The following CLASP1 variants were observed in gnomAD, a reference collection of about 807,000 sequenced individuals.
CLASP1 encodes the protein cytoplasmic linker associated protein 1.
CLASP1 carries 38 observed loss-of-function variants against 192.3 expected under a neutral mutation model. That is an observed-to-expected ratio of 0.20 (90% CI 0.15 to 0.26). CLASP1 has a LOEUF of 0.26. Among genes scored for constraint, CLASP1 ranks in the 10% least tolerant of loss-of-function variants. The pLI, the probability that CLASP1 is intolerant of heterozygous loss-of-function variation, is 1.00. For missense variants in CLASP1, 1,433 were observed against 1,932.5 expected, an observed-to-expected ratio of 0.74 and a Z score of 4.85; for synonymous variants, 691 against 712.8, an observed-to-expected ratio of 0.97 and a Z score of 0.49.
intron 8 of CLASP1, among the ~76,000 whole-genome samples, chr2:121,487,837 C>T (rs573901128): frequency 8.5e-5 from 13 of 152,352 alleles, no homozygotes; most frequent in African/African-American, 2.9e-4. Flanking sequence ...TCCATTTACA[C>T]ACTTTTCAAT....
At chr2:121,533,630 C>T (rs948401413) in intron 2 of CLASP1, among the ~76,000 whole-genome samples, 1 of 152,096 alleles carries the variant, frequency 6.6e-6, no homozygotes, top group Non-Finnish European at 1.5e-5. Flanking sequence ...TTACCTGATT[C>T]TAAAGTCACG....
At chr2:121,376,399 A>G (rs1306022714) in intron 34 of CLASP1, among the ~76,000 whole-genome samples, 1 of 152,152 alleles carries the variant, frequency 6.6e-6, no homozygotes, top group African/African-American at 2.4e-5. Context: ...ACTGGAGGAC[A>G]TTAAGTGAAA....
chr2:121,637,308 A>G (rs1392638571), intron 1 of CLASP1, among the ~76,000 whole-genome samples: 1 of 152,144 alleles, frequency 6.6e-6, no homozygotes, highest in Non-Finnish European at 1.5e-5. Flanking sequence ...CAAAAACCCA[A>G]AGCAAACTAT....
chr2:121,510,547 C>A (rs879299012), intron 7 of CLASP1, among the ~76,000 whole-genome samples: 14 of 152,276 alleles, frequency 9.2e-5, no homozygotes, highest in Admixed American at 7.2e-4. Context: ...GAATTAGTGA[C>A]CCCTAACAAG....
intron 12 of CLASP1, among the ~76,000 whole-genome samples, 176 bp from the exon 13 acceptor site, chr2:121,459,151 GT>G (rs183235871): frequency 1.3e-4 from 19 of 146,568 alleles, no homozygotes; most frequent in South Asian, 2.2e-4. Flanking sequence ...AAGTTTTGTT[GT>G]TTTTTTTTTT....
intron 27 of CLASP1, 33 bp downstream of exon 28, chr2:121,401,835 A>C (rs1168098085): frequency 1.3e-6 from 1 of 764,394 alleles, no homozygotes; most frequent in Non-Finnish European, 2.4e-6. Context: ...TGTAGTGCAG[A>C]AAACAGATAA....
At chr2:121,541,283 T>C (rs1218379250) in intron 2 of CLASP1, among the ~76,000 whole-genome samples, 3 of 152,208 alleles carry the variant, frequency 2.0e-5, no homozygotes, top group African/African-American at 4.8e-5. Context: ...GACTGGATTG[T>C]CTAAGGTAAA....
At chr2:121,417,899 A>G (rs1327434793) in intron 23 of CLASP1, among the ~76,000 whole-genome samples, 1 of 152,244 alleles carries the variant, frequency 6.6e-6, no homozygotes, top group African/African-American at 2.4e-5. Flanking sequence ...TGGAGTCCAC[A>G]GATCCACATA....
chr2:121,366,951 A>G (rs1262933677), intron 35 of CLASP1, among the ~76,000 whole-genome samples: 2 of 152,214 alleles, frequency 1.3e-5, no homozygotes, highest in Non-Finnish European at 2.9e-5. Context: ...TCTGCTCCCT[A>G]CTTCCTATGT....
intron 2 of CLASP1, among the ~76,000 whole-genome samples, chr2:121,562,976 C>T (rs1423538130): frequency 6.6e-6 from 1 of 152,210 alleles, no homozygotes; most frequent in African/African-American, 2.4e-5. Context: ...AAGCTAATCA[C>T]GTGACTGACA....
At chr2:121,357,413 G>GC (rs1308834082) in intron 37 of CLASP1, among the ~76,000 whole-genome samples, 2 of 151,982 alleles carry the variant, frequency 1.3e-5, no homozygotes. Context: ...TAAAACACCT[G>GC]CCCCCCACCT....
At chr2:121,345,714 C>T (rs1362712188) in intron 39 of CLASP1, among the ~76,000 whole-genome samples, 1 of 152,170 alleles carries the variant, frequency 6.6e-6, no homozygotes, top group Non-Finnish European at 1.5e-5. Context: ...TGCACACCTG[C>T]CTCATACACC....
intron 22 of CLASP1, among the ~76,000 whole-genome samples, chr2:121,420,859 G>C (rs1400616381): frequency 1.3e-5 from 2 of 152,122 alleles, no homozygotes; most frequent in Admixed American, 6.5e-5. Context: ...TTTTTCGTCT[G>C]AGTCTGTTTT....
intron 13 of CLASP1, 109 bp from the exon 14 acceptor site, chr2:121,457,866 A>T (rs2087025686): frequency 2.9e-6 from 2 of 683,140 alleles, no homozygotes; most frequent in Admixed American, 5.9e-5. Context: ...ATATATTCAG[A>T]TTAGAATGTC....
exon 31 of CLASP1, chr2:121,387,862 A>G (rs2073595568): frequency 1.9e-6 from 3 of 1,612,540 alleles, no homozygotes; most frequent in Non-Finnish European, 2.5e-6. Flanking sequence ...TGGTAAATTC[A>G]GGAGTATTCA....
chr2:121,559,645 A>C (rs1285606092), intron 2 of CLASP1, among the ~76,000 whole-genome samples: 1 of 152,150 alleles, frequency 6.6e-6, no homozygotes, highest in Non-Finnish European at 1.5e-5. Context: ...GAAAAAAAAA[A>C]TCCAAAGACA....
intron 28 of CLASP1, among the ~76,000 whole-genome samples, chr2:121,399,661 A>C (rs1388893811): frequency 6.6e-6 from 1 of 152,156 alleles, no homozygotes; most frequent in Non-Finnish European, 1.5e-5. Flanking sequence ...AATATTAAAA[A>C]CGCTTTAGGC....
intron 14 of CLASP1, among the ~76,000 whole-genome samples, chr2:121,452,611 T>C (rs762223290): frequency 2.0e-5 from 3 of 151,986 alleles, no homozygotes; most frequent in Non-Finnish European, 4.4e-5. Context: ...GCTAACATGG[T>C]GAAACCCCAT....
At chr2:121,631,690 C>T (rs1331539741) in intron 1 of CLASP1, among the ~76,000 whole-genome samples, 5 of 152,010 alleles carry the variant, frequency 3.3e-5, no homozygotes, top group African/African-American at 7.2e-5. Context: ...GTGGGAGGAT[C>T]GCTTGAGCTC....
Sources: gnomAD v4.1 joint callset for allele counts (sites outside exome capture counted in the v4.1 genomes callset) on GRCh38, gnomAD v4.1.1 for gene constraint, MANE v1.5 for transcripts, NCBI Gene and HGNC (gene_info 2026-07-23, HGNC 2026-07-21) for gene names.